TPRG1: variants seen among roughly 807,000 people sequenced by gnomAD.
The protein encoded by TPRG1 is tumor protein p63 regulated 1.
In TPRG1, 29 loss-of-function variants were observed where a neutral mutation model predicts 29.3. The observed-to-expected ratio is 0.99, with a 90% confidence interval of 0.74 to 1.35. The LOEUF is 1.35. Among genes scored for constraint, TPRG1 ranks in the 40% most tolerant of loss-of-function variants. TPRG1 has a pLI of 0.00. For missense variants in TPRG1, 327 were observed against 335.0 expected (o/e 0.98, Z 0.19); for synonymous variants, 130 against 116.8 (o/e 1.11, Z -0.73).
At chr3:189,078,998 A>C (rs1717406640) in intron 4 of TPRG1, among the ~76,000 whole-genome samples, 1 of 152,166 alleles carries the variant, frequency 6.6e-6, no homozygotes, top group Admixed American at 6.5e-5. Context: ...AAAGAGGTTT[A>C]TTGGGCTCAT....
chr3:189,052,104 TTAAAC>T (rs1715357223), intron 4 of TPRG1, among the ~76,000 whole-genome samples: 1 of 152,296 alleles, frequency 6.6e-6, no homozygotes, highest in Non-Finnish European at 1.5e-5. Flanking sequence ...TGGGACCTAA[TTAAAC>T]TAAAGAGCTT....
At chr3:189,275,948 T>A (rs1270773766) in intron 4 of TPRG1, among the ~76,000 whole-genome samples, 1 of 152,046 alleles carries the variant, frequency 6.6e-6, no homozygotes, top group East Asian at 1.9e-4. Context: ...TTTTCATAAG[T>A]ATTGTAGGGA....
At chr3:189,305,279 A>G (rs1365466750) in intron 4 of TPRG1, among the ~76,000 whole-genome samples, 2 of 152,220 alleles carry the variant, frequency 1.3e-5, no homozygotes. Flanking sequence ...CGGAATGAGT[A>G]TATTAACTCA....
intron 1 of TPRG1, among the ~76,000 whole-genome samples, chr3:189,106,828 C>T (rs568868947): frequency 6.6e-6 from 1 of 152,050 alleles, no homozygotes; most frequent in African/African-American, 2.4e-5. Flanking sequence ...ATCTGATGAA[C>T]CTAGGGCCCA....
chr3:189,079,668 G>T (rs571734727), intron 4 of TPRG1, among the ~76,000 whole-genome samples: 6 of 152,042 alleles, frequency 3.9e-5, no homozygotes, highest in Non-Finnish European at 7.4e-5. Flanking sequence ...GTTTCTCTTG[G>T]CTTTGATTGA....
At chr3:189,245,177 C>A (rs1052217938) in intron 4 of TPRG1, among the ~76,000 whole-genome samples, 3 of 152,136 alleles carry the variant, frequency 2.0e-5, no homozygotes, top group Admixed American at 2.0e-4. Flanking sequence ...CTGCCTTGGC[C>A]TCTCAAAGTA....
intron 1 of TPRG1, among the ~76,000 whole-genome samples, chr3:189,173,607 C>T (rs531527470): frequency 1.4e-4 from 21 of 152,046 alleles, no homozygotes; most frequent in East Asian, 5.8e-4. Context: ...CTGAAGAAAT[C>T]GTTTAATTGA....
chr3:189,223,814 C>A (rs1278616313), intron 3 of TPRG1, among the ~76,000 whole-genome samples: 1 of 152,108 alleles, frequency 6.6e-6, no homozygotes, highest in Non-Finnish European at 1.5e-5. Context: ...ATGCTTATGA[C>A]AGTTTTTTGC....
rs1351742282 is a variant in TPRG1, at chr3:189,019,909, A to C, written c.-659-3841A>C. Reference sequence around the variant, plus strand: ...CTATTGATTATTGCCACAATTTCAGATCCTGTTATTGGTCTATTCAGAGAT... The same window carrying C: ...CTATTGATTATTGCCACAATTTCAGCTCCTGTTATTGGTCTATTCAGAGAT... On this transcript the variant is annotated intron_variant, in intron 3 of 10. Transcript: ENST00000433971. 5.3e-5 allele frequency among the ~76,000 whole-genome samples: 8 copies of C among 150,560 alleles called. No individual in the cohort carries two copies. In the South Asian group the frequency reaches 8.5e-4, roughly 16 times the overall value.
chr3:189,200,132 T>C (rs1418208215), intron 1 of TPRG1, among the ~76,000 whole-genome samples: 1 of 152,172 alleles, frequency 6.6e-6, no homozygotes, highest in African/African-American at 2.4e-5. Flanking sequence ...CGAAGCACTT[T>C]ATAGCAGAGC....
At chr3:189,242,130 T>C (rs1458867015) in intron 4 of TPRG1, among the ~76,000 whole-genome samples, 1 of 152,170 alleles carries the variant, frequency 6.6e-6, no homozygotes, top group Non-Finnish European at 1.5e-5. Context: ...GAAGAAGGTA[T>C]GCAATCAACT....
At chr3:189,179,674 C>T (rs1729955912) in intron 1 of TPRG1, among the ~76,000 whole-genome samples, 1 of 152,206 alleles carries the variant, frequency 6.6e-6, no homozygotes, top group Non-Finnish European at 1.5e-5. Flanking sequence ...TTCTACTCTC[C>T]ACCTCTCTGT....
chr3:189,037,434 A>G (rs1378200036), intron 4 of TPRG1, among the ~76,000 whole-genome samples: 2 of 151,936 alleles, frequency 1.3e-5, no homozygotes, highest in African/African-American at 4.8e-5. Flanking sequence ...ATAAAATGTA[A>G]TTTCTGTTTA....
chr3:189,118,254 CT>C (rs775908535), intron 1 of TPRG1, among the ~76,000 whole-genome samples: 1 of 152,182 alleles, frequency 6.6e-6, no homozygotes, highest in African/African-American at 2.4e-5. Context: ...CATTCTACCC[CT>C]GCCCTAGAGA....
At chr3:189,071,275 A>T (rs1243196499) in intron 4 of TPRG1, among the ~76,000 whole-genome samples, 1 of 152,150 alleles carries the variant, frequency 6.6e-6, no homozygotes, top group Admixed American at 6.5e-5. Flanking sequence ...AACCCTAAAT[A>T]TTTCTGTTAA....
chr3:189,093,438 C>T lies in TPRG1; in HGVS notation c.-462-33619C>T, dbSNP rs7630786. ...ATATTAATTTTGGCTTCTAAACAGG[C>T]AGATTTTCATAAATTTATTGGAGAG... On this transcript the variant is annotated intron_variant, in intron 4 of 10. Transcript: ENST00000433971. Among the ~76,000 whole-genome samples the T allele has an allele frequency of 7.0e-4, 107 of 152,286 alleles. 1 individual carries two copies. Among genetic ancestry groups the T allele is most frequent in the African/African-American group, 2.5e-3 (105 of 41,554 alleles).
intron 4 of TPRG1, among the ~76,000 whole-genome samples, chr3:189,033,981 A>T (rs1042371535): frequency 1.3e-5 from 2 of 152,242 alleles, no homozygotes; most frequent in Admixed American, 6.5e-5. Context: ...AGATACATGG[A>T]AGCATTGTCT....
intron 4 of TPRG1, among the ~76,000 whole-genome samples, chr3:189,062,919 C>A (rs1716209579): frequency 6.6e-6 from 1 of 151,820 alleles, no homozygotes; most frequent in South Asian, 2.1e-4. Context: ...ACCAACATAT[C>A]AAAAATTATC....
chr3:189,138,969 C>T (rs560055032), intron 3 of TPRG1, among the ~76,000 whole-genome samples: 1 of 151,748 alleles, frequency 6.6e-6, no homozygotes, highest in South Asian at 2.2e-4. Flanking sequence ...TGTACTCAGA[C>T]AGAAAAAAAA....
Sources: allele counts gnomAD v4.1 joint callset (sites outside exome capture counted in the v4.1 genomes callset), GRCh38; gene constraint gnomAD v4.1.1; transcripts MANE v1.5; gene names NCBI Gene and HGNC (gene_info 2026-07-23, HGNC 2026-07-21).